FAM136A: variants seen among roughly 807,000 people sequenced by gnomAD.
FAM136A encodes the protein TIM double twin CX3C motif chaperone.
In FAM136A, 25 loss-of-function variants were observed where a neutral mutation model predicts 21.6. The observed-to-expected ratio is 1.16, with a 90% CI of 0.84 to 1.62. The LOEUF is 1.62. Ranked by LOEUF, FAM136A falls within the 40% of genes most tolerant of loss-of-function variation. The pLI, the probability that FAM136A is intolerant of heterozygous loss-of-function variation, is 0.00. For missense variants in FAM136A, 338 were observed against 332.0 expected (o/e 1.02, Z -0.14); for synonymous variants, 119 against 129.4 (o/e 0.92, Z 0.55).
rs1472187570 is a variant in FAM136A, at chr2:70,301,612, G to T, written c.400C>A (p.Leu134Ile). 2.0e-6 allele frequency: 3 copies of T among 1,536,000 alleles called. No individual in the cohort carries two copies. The highest frequency in any genetic ancestry group is 2.6e-6 in the Non-Finnish European group (3 of 1,146,796). Residue 134 changes from leucine (L) to isoleucine (I), a missense_variant, in exon 1 of 3, where the codon CTT (leucine) becomes ATT (isoleucine). Transcript: ENST00000430566. ...GGCCTCGGGCCGCTCACCTGCGGAA[G>T]GGGCCGCGTAAGAGGGGAAGGTGGT... ...APPPSPLTRP[L>I]PQGLMFRCSA...
chr2:70,301,846 G>T lies in FAM136A; in HGVS notation c.166C>A (p.Pro56Thr). The T allele has an allele frequency of 6.4e-7, 1 of 1,551,780 alleles. No homozygotes were observed. Among genetic ancestry groups the T allele is most frequent in the Non-Finnish European group, 8.7e-7 (1 of 1,147,338 alleles). ...PGPSLSHHATPCTAAASPQTG... is the reference protein window; with the variant it reads ...PGPSLSHHATTCTAAASPQTG... ...TGCGGGGACGCGGCTGCAGTGCAAG[G>T]CGTCGCGTGGTGGCTGAGGGAAGGG... is the stretch of plus-strand genomic sequence containing the variant. Residue 56 changes from proline (P) to threonine (T), a missense_variant, in exon 1 of 3, where the codon CCT becomes ACT. By Grantham distance (38) the Pro-to-Thr change is conservative (BLOSUM62 -1). Coordinates refer to ENST00000430566, the MANE Select transcript of FAM136A (RefSeq NM_001329752.2).
chr2:70,301,920 G>A lies in FAM136A; in HGVS notation c.92C>T (p.Ala31Val), dbSNP rs1317691708. ...GGGGTCCTGGTTCGGCCCCAGCCCC[G>A]CTACCTGCATCTTCCGGATGTTCTC... ...ERENIRKMQV[A>V]GLGPNQDPLL... Residue 31 changes from alanine to valine, a missense_variant, in exon 1 of 3, where the codon GCG becomes GTG. Physicochemically the swap from Ala to Val is moderately conservative, Grantham distance 64. Coordinates refer to ENST00000430566, the MANE Select transcript of FAM136A (RefSeq NM_001329752.2). The A allele has an allele frequency of 8.7e-6, 14 of 1,606,110 alleles. No individual in the cohort carries two copies. Among genetic ancestry groups the A allele is most frequent in the Middle Eastern group, 4.2e-4 (2 of 4,732 alleles).
chr2:70,301,162 A>G, intron 1 of FAM136A, 182 bp from the exon 2 acceptor site: 1 of 796,320 alleles, frequency 1.3e-6, no homozygotes, highest in Non-Finnish European at 2.0e-6. Flanking sequence ...ATTATCCTCA[A>G]TGTCTAGTGT....
At chr2:70,301,361 G>A (rs953460327) in intron 1 of FAM136A, 15 of 1,489,380 alleles carry the variant, frequency 1.0e-5, no homozygotes, top group Non-Finnish European at 1.3e-5. Flanking sequence ...GAGGGCAGCC[G>A]ACCCACTAAT....
rs766678093 is a variant in FAM136A, at chr2:70,297,270, T to C, written c.*19A>G. ...AATATATTCTTGCCCTCAGCCCTGA[T>C]GGCCACTGGCAAATACTTTTATTTT... is the stretch of plus-strand genomic sequence containing the variant. On this transcript the variant is annotated 3_prime_UTR_variant, in exon 3 of 3. Coordinates refer to ENST00000430566, the MANE Select transcript of FAM136A (RefSeq NM_001329752.2). 1 of 1,607,692 alleles carries C rather than the reference T, an allele frequency of 6.2e-7. No homozygotes were observed. The highest frequency in any genetic ancestry group is 1.7e-5 in the Admixed American group (1 of 59,660).
chr2:70,302,016 ACCCCGCGCTG>A lies in FAM136A; in HGVS notation c.-15_-6del, dbSNP rs1470215886. 20 of 1,586,404 alleles carry A rather than the reference ACCCCGCGCTG, an allele frequency of 1.3e-5. No individual in the cohort carries two copies. Among genetic ancestry groups the A allele is most frequent in the Non-Finnish European group, 1.7e-5 (20 of 1,169,284 alleles). On this transcript the variant is annotated 5_prime_UTR_variant, in exon 1 of 3. Coordinates refer to ENST00000430566, the MANE Select transcript of FAM136A (RefSeq NM_001329752.2). The stretch of plus-strand genomic sequence containing the variant: ...GAGCTGCTGCAGCTCAGCCATGGCG[ACCCCGCGCTG>A]CCCCGCGGCGCTCCGCGCCGGCGCC...
At chr2:70,299,623 C>T (rs376361747) in intron 2 of FAM136A, among the ~76,000 whole-genome samples, 26 of 152,214 alleles carry the variant, frequency 1.7e-4, no homozygotes, top group African/African-American at 4.6e-4. Context: ...TTTTTTGAGA[C>T]GGAGTCTCGC....
chr2:70,301,362 A>C, intron 1 of FAM136A: 2 of 1,491,684 alleles, frequency 1.3e-6, no homozygotes, highest in Non-Finnish European at 1.8e-6. Flanking sequence ...AGGGCAGCCG[A>C]CCCACTAATC....
chr2:70,297,533 C>T (rs1412206579), intron 2 of FAM136A, 56 bp from the exon 3 acceptor site: 33 of 1,453,586 alleles, frequency 2.3e-5, no homozygotes, highest in African/African-American at 4.4e-5. Flanking sequence ...CCATTTACTG[C>T]GTGCTCATTA....
Position 70,297,312 on chromosome 2 carries a change from C to G in FAM136A, c.715G>C (p.Ala239Pro), listed in dbSNP as rs78704688. 4.2e-3 allele frequency: 5,867 copies of G among 1,413,628 alleles called. No individual in the cohort carries two copies. The highest frequency in any genetic ancestry group is 0.019 in the Admixed American group (832 of 43,154). The allele number at this position is 1,413,628 out of a possible 1,614,324, so 87.6% of individuals were successfully genotyped here. The change falls in exon 3 of 3, where the codon GCT (alanine) becomes CCT (proline). Residue 239 changes from alanine (A) to proline (P), a missense_variant. Physicochemically the swap from Ala to Pro is conservative, Grantham distance 27 (BLOSUM62 -1). Coordinates refer to ENST00000430566, the MANE Select transcript of FAM136A (RefSeq NM_001329752.2). ...IPTMTKKMKE[A>P]LLSIGK ...TTTTATTTTCCAATTGATAAGAGAG[C>G]CTCCTTCATCTTCTTGGTCATAGTT...
intron 2 of FAM136A, among the ~76,000 whole-genome samples, chr2:70,298,305 A>G (rs1279366072): frequency 6.6e-6 from 1 of 152,124 alleles, no homozygotes; most frequent in African/African-American, 2.4e-5. Context: ...CATGTTGGTC[A>G]GGCTGGTCTC....
At chr2:70,301,115 A>C in intron 1 of FAM136A, 135 bp from the exon 2 acceptor site, 1 of 1,084,208 alleles carries the variant, frequency 9.2e-7, no homozygotes, top group East Asian at 2.5e-5. Context: ...CTTCCCTGAG[A>C]ATAGACACCA....
rs1170108713 is a variant in FAM136A at position 70,301,699 on chromosome 2, T to A, written c.313A>T (p.Ser105Cys). The stretch of plus-strand genomic sequence containing the variant: ...CGCCGAGGACGCTCCTGCCCCGGGC[T>A]GGAAGGGGCGGAAAACAGCCTCGCG... The part of the protein sequence containing the change: ...PCARLFSAPS[S>C]PGQERPRRQV... The change falls in exon 1 of 3, where the codon AGC becomes TGC. Residue 105 changes from serine to cysteine, a missense_variant. Physicochemically the swap from Ser to Cys is moderately radical, Grantham distance 112. Coordinates refer to ENST00000430566, the MANE Select transcript of FAM136A (RefSeq NM_001329752.2). The A allele has an allele frequency of 6.5e-7, 1 of 1,535,338 alleles. No individual in the cohort carries two copies. Among genetic ancestry groups the A allele is most frequent in the Non-Finnish European group, 8.7e-7 (1 of 1,146,234 alleles).
chr2:70,298,550 C>G (rs949971111), intron 2 of FAM136A, among the ~76,000 whole-genome samples: 2 of 152,102 alleles, frequency 1.3e-5, no homozygotes, highest in African/African-American at 4.8e-5. Flanking sequence ...AGGAAAGAGA[C>G]AAACAAAGTA....
chr2:70,302,022 C>CG lies in FAM136A; in HGVS notation c.-12dup. The stretch of plus-strand genomic sequence containing the variant: ...CTGCAGCTCAGCCATGGCGACCCCG[C>CG]GCTGCCCCGCGGCGCTCCGCGCCGG... On this transcript the variant is annotated 5_prime_UTR_variant, in exon 1 of 3. Transcript: ENST00000430566. 6.3e-7 allele frequency: 1 copy of CG among 1,578,366 alleles called. No homozygotes were observed. Among genetic ancestry groups the CG allele is most frequent in the Non-Finnish European group, 8.6e-7 (1 of 1,165,654 alleles).
At chr2:70,299,862 A>T (rs1250649917) in intron 2 of FAM136A, among the ~76,000 whole-genome samples, 1 of 151,738 alleles carries the variant, frequency 6.6e-6, no homozygotes, top group Non-Finnish European at 1.5e-5. Context: ...GGCCTCCCAA[A>T]GTGCTGGGAT....
At chr2:70,298,263 T>C (rs578005209) in intron 2 of FAM136A, among the ~76,000 whole-genome samples, 9 of 152,110 alleles carry the variant, frequency 5.9e-5, no homozygotes, top group South Asian at 4.2e-4. Flanking sequence ...TGGCTAACTT[T>C]TTTTGTATTT....
chr2:70,300,825 T>C lies in FAM136A; in HGVS notation c.549+15A>G, dbSNP rs1159686849. On this transcript the variant is annotated intron_variant, in intron 2 of 2. Transcript: ENST00000430566. ...GTATCAAGGACTACAGTGCTCTGTC[T>C]AGGATATTTCTCACCTGGAACTTCT... 1 of 1,604,916 alleles carries C rather than the reference T, an allele frequency of 6.2e-7. No homozygotes were observed. Among genetic ancestry groups the C allele is most frequent in the Non-Finnish European group, 8.5e-7 (1 of 1,172,848 alleles).
rs772523237 is a variant in FAM136A, at chr2:70,297,258, C to T, written c.*31G>A. On this transcript the variant is annotated 3_prime_UTR_variant, in exon 3 of 3. Coordinates refer to ENST00000430566, the MANE Select transcript of FAM136A (RefSeq NM_001329752.2). ...TTCCTTATAAAAAATATATTCTTGC[C>T]CTCAGCCCTGATGGCCACTGGCAAA... The T allele has an allele frequency of 1.6e-5, 25 of 1,599,770 alleles. No homozygotes were observed. The highest frequency in any genetic ancestry group is 2.2e-5 in the South Asian group (2 of 90,270).
Sources: gnomAD v4.1 joint callset for allele counts (sites outside exome capture counted in the v4.1 genomes callset) on GRCh38, gnomAD v4.1.1 for gene constraint, MANE v1.5 for transcripts, NCBI Gene and HGNC (gene_info 2026-07-23, HGNC 2026-07-21) for gene names.